Variants in ABCA1 observed in about 807,000 individuals in gnomAD.
The protein encoded by ABCA1 is ATP binding cassette subfamily A member 1, also known as phospholipid-transporting ATPase ABCA1.
In ABCA1, 133 loss-of-function variants were observed where a neutral mutation model predicts 262.5. That is an observed-to-expected ratio of 0.51 (90% CI 0.44 to 0.59). ABCA1 has a LOEUF of 0.59. ABCA1 is among the 20% of genes least tolerant of loss of function. The pLI is 0.00. For synonymous variants in ABCA1, 1,022 were observed against 1,043.5 expected (o/e 0.98, Z 0.40); for missense variants, 2,452 against 2,777.5 (o/e 0.88, Z 2.63).
At chr9:104,869,074 CGGA>C (rs1056262124) in intron 5 of ABCA1, among the ~76,000 whole-genome samples, 11 of 151,736 alleles carry the variant, frequency 7.2e-5, no homozygotes, top group African/African-American at 2.4e-4. Flanking sequence ...CTCAGGAAGG[CGGA>C]GGAGGAAAGC....
intron 14 of ABCA1, among the ~76,000 whole-genome samples, chr9:104,830,170 A>G (rs1374378401): frequency 6.6e-6 from 1 of 152,230 alleles, no homozygotes; most frequent in Non-Finnish European, 1.5e-5. Context: ...AAGATTTTCT[A>G]AAAAGTCTAA....
Position 104,927,979 on chromosome 9 carries a change from A to G in ABCA1, c.-137T>C, listed in dbSNP as rs1167135664. ...TTGCGTCTCTTTCTCCTACCCCTTG[A>G]CAAGCCTTCCGGAGAAGGGGAGAAA... On this transcript the variant is annotated 5_prime_UTR_variant, in exon 1 of 50. Transcript: ENST00000374736. The G allele has an allele frequency of 6.6e-6, 1 of 152,228 alleles. No homozygotes were observed. Among genetic ancestry groups the G allele is most frequent in the Non-Finnish European group, 1.5e-5 (1 of 68,038 alleles). 9.4% of individuals were successfully genotyped at this position (152,228 alleles called of 1,614,324 possible).
intron 4 of ABCA1, among the ~76,000 whole-genome samples, chr9:104,883,727 C>T (rs1011394632): frequency 6.6e-6 from 1 of 152,210 alleles, no homozygotes; most frequent in East Asian, 1.9e-4. Flanking sequence ...TGTGGCCCTG[C>T]GTGCCGCAGC....
intron 34 of ABCA1, among the ~76,000 whole-genome samples, chr9:104,801,258 C>T (rs895162298): frequency 5.3e-5 from 8 of 151,942 alleles, no homozygotes; most frequent in South Asian, 2.1e-4. Context: ...CTTGCTCTGT[C>T]GCCCAGGCTG....
chr9:104,900,598 C>G (rs1301923912), intron 2 of ABCA1, among the ~76,000 whole-genome samples: 2 of 152,146 alleles, frequency 1.3e-5, no homozygotes, highest in Non-Finnish European at 2.9e-5. Context: ...AGCTACCAGT[C>G]AGAACTTGAG....
intron 7 of ABCA1, among the ~76,000 whole-genome samples, chr9:104,846,162 G>C (rs1834856313): frequency 1.3e-5 from 2 of 152,098 alleles, no homozygotes; most frequent in Non-Finnish European, 2.9e-5. Flanking sequence ...AGCAGATATA[G>C]GACAATAATT....
chr9:104,793,394 G>A (rs543399428), intron 40 of ABCA1, 94 bp from the exon 41 acceptor site: 147 of 1,529,318 alleles, frequency 9.6e-5, no homozygotes, highest in Middle Eastern at 1.7e-4. Context: ...AAAATTCACC[G>A]ATCTTCCAAT....
intron 10 of ABCA1, 95 bp downstream of exon 10, chr9:104,837,333 T>C: frequency 1.3e-6 from 2 of 1,523,190 alleles, no homozygotes; most frequent in Non-Finnish European, 1.8e-6. Flanking sequence ...GAGCCGTGAG[T>C]ATACTTAGCG....
chr9:104,842,657 G>A (rs1254398669), intron 8 of ABCA1, among the ~76,000 whole-genome samples: 1 of 152,124 alleles, frequency 6.6e-6, no homozygotes, highest in Non-Finnish European at 1.5e-5. Flanking sequence ...GGATGATGGT[G>A]GTATTTGAAC....
chr9:104,886,828 C>T (rs903655912), intron 3 of ABCA1, among the ~76,000 whole-genome samples: 1 of 152,230 alleles, frequency 6.6e-6, no homozygotes, highest in Non-Finnish European at 1.5e-5. Context: ...ACCTTGATAA[C>T]TCTGGTTTGA....
At chr9:104,855,545 T>C in intron 7 of ABCA1, 2 of 968,068 alleles carry the variant, frequency 2.1e-6, no homozygotes, top group Non-Finnish European at 2.9e-6. Flanking sequence ...AAGGACATAA[T>C]TTCTACTACT....
Position 104,826,933 on chromosome 9 carries a change from G to C in ABCA1, c.2337+15C>G, listed in dbSNP as rs1364886560. On this transcript the variant is annotated intron_variant, in intron 16 of 49. Coordinates refer to ENST00000374736, the MANE Select transcript of ABCA1 (RefSeq NM_005502.4). ...AAATGCCTACAGCCACTGAAGAAAG[G>C]CCAGAGGTACTCACAGCGAAGATCT... 6 of 1,611,358 alleles carry C rather than the reference G, an allele frequency of 3.7e-6. No individual in the cohort carries two copies. Among genetic ancestry groups the C allele is most frequent in the Non-Finnish European group, 5.1e-6 (6 of 1,178,586 alleles).
intron 36 of ABCA1, 137 bp from the exon 37 acceptor site, chr9:104,798,735 T>C (rs927802642): frequency 2.6e-6 from 2 of 772,574 alleles, no homozygotes; most frequent in Non-Finnish European, 4.4e-6. Context: ...AGGAAAAACA[T>C]CTGTTCACCA....
At chr9:104,875,236 AG>A (rs535240437) in intron 5 of ABCA1, among the ~76,000 whole-genome samples, 119 of 151,472 alleles carry the variant, frequency 7.9e-4, no homozygotes, top group African/African-American at 2.7e-3. Context: ...CCAGCTTCTC[AG>A]GAGGCTGAGG....
In ABCA1 at chr9:104,796,085, C is replaced by G; in HGVS notation, c.5350G>C (p.Ala1784Pro). The G allele has an allele frequency of 6.2e-7, 1 of 1,613,086 alleles. No individual in the cohort carries two copies. The highest frequency in any genetic ancestry group is 8.5e-7 in the Non-Finnish European group (1 of 1,179,990). Residue 1784 changes from alanine (A) to proline (P), a missense_variant, in exon 39 of 50, where the codon GCC (alanine) becomes CCC (proline). Ala to Pro is a conservative substitution (Grantham distance 27). Transcript: ENST00000374736. ...GTGAACAGCTCCAGCACAAAGGTGG[C>G]CACGCTGCCATTAATGCCAATGAAG... is the stretch of plus-strand genomic sequence containing the variant. The part of the protein sequence containing the change: ...NLFIGINGSV[A>P]TFVLELFTDN...
intron 1 of ABCA1, among the ~76,000 whole-genome samples, chr9:104,925,827 G>A (rs1826277827): frequency 6.6e-6 from 1 of 152,038 alleles, no homozygotes; most frequent in Non-Finnish European, 1.5e-5. Flanking sequence ...TCTGATTTAG[G>A]AGAAAGTTTC....
chr9:104,792,011 A>C lies in ABCA1; in HGVS notation c.5758-13T>G, dbSNP rs749820313. ...TCCTTCTATATATCTGCAACAAACA[A>C]AATGTAAACATTCATAAGCCTCAGT... On this transcript the variant is annotated splice_polypyrimidine_tract_variant and intron_variant, in intron 42 of 49. Coordinates refer to ENST00000374736, the MANE Select transcript of ABCA1 (RefSeq NM_005502.4). 11 of 1,611,236 alleles carry C rather than the reference A, an allele frequency of 6.8e-6. No homozygotes were observed. Among genetic ancestry groups the C allele is most frequent in the African/African-American group, 5.3e-5 (4 of 74,850 alleles).
intron 14 of ABCA1, 110 bp downstream of exon 14, chr9:104,830,815 G>A (rs1833229902): frequency 1.6e-6 from 2 of 1,266,390 alleles, no homozygotes; most frequent in Non-Finnish European, 2.3e-6. Context: ...CTTACATCTG[G>A]CATCTTATTT....
chr9:104,826,962 G>A lies in ABCA1; in HGVS notation c.2323C>T (p.Leu775Phe), dbSNP rs764364717. 9 of 1,613,972 alleles carry A rather than the reference G, an allele frequency of 5.6e-6. No homozygotes were observed. The highest frequency in any genetic ancestry group is 1.7e-4 in the Middle Eastern group (1 of 5,952). Residue 775 changes from leucine (L) to phenylalanine (F), a missense_variant, in exon 16 of 50, where the codon CTC becomes TTC. Coordinates refer to ENST00000374736, the MANE Select transcript of ABCA1 (RefSeq NM_005502.4). ...VAWQDYVGFT[L>F]KIFASLLSPV... is the part of the protein sequence containing the mutation. ...GAGGTACTCACAGCGAAGATCTTGA[G>A]TGTGAAGCCCACGTAGTCCTGCCAT...
Sources: allele counts gnomAD v4.1 joint callset (sites outside exome capture counted in the v4.1 genomes callset), GRCh38; gene constraint gnomAD v4.1.1; transcripts MANE v1.5; gene names NCBI Gene and HGNC (gene_info 2026-07-23, HGNC 2026-07-21).